The following LRRTM4 variants were observed in gnomAD, a reference collection of about 807,000 sequenced individuals.
The protein encoded by LRRTM4 is leucine-rich repeat transmembrane neuronal protein 4.
A neutral mutation model predicts 47.6 loss-of-function variants in LRRTM4; 25 were observed. The observed-to-expected ratio is 0.53, with a 90% CI of 0.38 to 0.73. LRRTM4 has a LOEUF of 0.73. Ranked by LOEUF, LRRTM4 falls within the 30% of genes least tolerant of loss-of-function variation. The probability of loss-of-function intolerance (pLI) is 0.00; values close to 1 mark genes in which losing one functional copy is unlikely to be tolerated. For synonymous variants in LRRTM4, 311 were observed against 269.5 expected, an observed-to-expected ratio of 1.15 and a Z score of -1.51; for missense variants, 638 against 713.4, an observed-to-expected ratio of 0.89 and a Z score of 1.20.
At chr2:77,244,817 G>T (rs1387745864) in intron 3 of LRRTM4, among the ~76,000 whole-genome samples, 1 of 152,236 alleles carries the variant, frequency 6.6e-6, no homozygotes, top group South Asian at 2.1e-4. Context: ...AAGCCCACAG[G>T]CAGAGAACTA....
rs1670875364 is a variant in LRRTM4, at chr2:77,098,757, GTTTCC to G, written c.1552-349846_1552-349842del. On this transcript the variant is annotated intron_variant, in intron 3 of 3. Transcript: ENST00000409884. The stretch of plus-strand genomic sequence containing the variant: ...AACACATATTACTCACAAAAGATTA[GTTTCC>G]AGAATATGTCAAGACTACAAATCAA... Among the ~76,000 whole-genome samples the G allele has an allele frequency of 2.0e-5, 3 of 151,810 alleles. No homozygotes were observed. In the South Asian group the frequency reaches 6.2e-4, roughly 31 times the overall value.
At chr2:77,039,332 T>C (rs941586006) in intron 3 of LRRTM4, among the ~76,000 whole-genome samples, 39 of 151,064 alleles carry the variant, frequency 2.6e-4, no homozygotes, top group African/African-American at 9.4e-4. Flanking sequence ...AAGTCTTTTT[T>C]TTTTTTTAAA....
intron 3 of LRRTM4, among the ~76,000 whole-genome samples, chr2:77,331,745 C>T (rs898165802): frequency 3.3e-5 from 5 of 152,082 alleles, no homozygotes; most frequent in Admixed American, 2.0e-4. Flanking sequence ...TTTATTGCAT[C>T]TCATGATTAC....
Position 76,755,785 on chromosome 2 carries a change from A to G in LRRTM4, c.1552-6869T>C, listed in dbSNP as rs554524340. Among the ~76,000 whole-genome samples, 78 of 152,274 alleles carry G rather than the reference A, an allele frequency of 5.1e-4. 1 individual carries two copies. The highest frequency in any genetic ancestry group is 8.7e-4 in the Non-Finnish European group (59 of 68,004). The stretch of plus-strand genomic sequence containing the variant: ...ATAGAATATTAAGGAAAGCAAGGGC[A>G]TATCTGAACCCAGAAACTCACATTC... On this transcript the variant is annotated intron_variant, in intron 3 of 3. Coordinates refer to ENST00000409884, the MANE Select transcript of LRRTM4 (RefSeq NM_001134745.3).
chr2:77,292,096 A>C (rs1269837465), intron 3 of LRRTM4, among the ~76,000 whole-genome samples: 1 of 152,078 alleles, frequency 6.6e-6, no homozygotes, highest in Non-Finnish European at 1.5e-5. Context: ...ACATGAAAAA[A>C]TGCTCACCAT....
chr2:77,300,619 C>T (rs1677110790), intron 3 of LRRTM4, among the ~76,000 whole-genome samples: 1 of 152,134 alleles, frequency 6.6e-6, no homozygotes, highest in Admixed American at 6.5e-5. Flanking sequence ...GCTACAGCTG[C>T]TGTAAATCAT....
intron 3 of LRRTM4, among the ~76,000 whole-genome samples, chr2:77,458,507 G>A (rs1676652504): frequency 6.6e-6 from 1 of 152,052 alleles, no homozygotes; most frequent in South Asian, 2.1e-4. Flanking sequence ...TGGCAGGGTT[G>A]TCCCGTGGAA....
intron 3 of LRRTM4, among the ~76,000 whole-genome samples, chr2:76,972,521 G>A (rs1241913308): frequency 6.8e-6 from 1 of 147,918 alleles, no homozygotes; most frequent in Non-Finnish European, 1.5e-5. Context: ...GAGTTCAAGC[G>A]ATTCTTCTGC....
chr2:76,878,918 A>C (rs1264843532), intron 3 of LRRTM4, among the ~76,000 whole-genome samples: 2 of 152,150 alleles, frequency 1.3e-5, no homozygotes, highest in Non-Finnish European at 2.9e-5. Flanking sequence ...GATATGAAGA[A>C]ATTTTAGTGG....
chr2:77,330,790 T>C (rs768487760), intron 3 of LRRTM4, among the ~76,000 whole-genome samples: 29 of 152,196 alleles, frequency 1.9e-4, no homozygotes, highest in Non-Finnish European at 3.5e-4. Context: ...GTAAAACTAT[T>C]AATTTGAAAA....
chr2:77,194,568 A>G (rs1440982192), intron 3 of LRRTM4, among the ~76,000 whole-genome samples: 1 of 152,238 alleles, frequency 6.6e-6, no homozygotes, highest in Non-Finnish European at 1.5e-5. Flanking sequence ...AAACATCAAC[A>G]GAAAATCATG....
At chr2:76,919,950 T>C (rs1024540615) in intron 3 of LRRTM4, among the ~76,000 whole-genome samples, 3 of 152,136 alleles carry the variant, frequency 2.0e-5, no homozygotes, top group Non-Finnish European at 4.4e-5. Context: ...GAAGACATTC[T>C]CATAATCTTT....
At chr2:76,925,076 A>T (rs1674547114) in intron 3 of LRRTM4, among the ~76,000 whole-genome samples, 2 of 152,134 alleles carry the variant, frequency 1.3e-5, no homozygotes, top group Non-Finnish European at 2.9e-5. Flanking sequence ...AATACATTGT[A>T]TGGCAAATGT....
At chr2:77,063,226 G>C (rs987417114) in intron 3 of LRRTM4, among the ~76,000 whole-genome samples, 3 of 152,088 alleles carry the variant, frequency 2.0e-5, no homozygotes, top group African/African-American at 7.2e-5. Context: ...CCCAAGTGCT[G>C]GGATTATAGG....
intron 3 of LRRTM4, among the ~76,000 whole-genome samples, chr2:77,496,206 T>C (rs1678357610): frequency 6.6e-6 from 1 of 151,978 alleles, no homozygotes; most frequent in Admixed American, 6.6e-5. Flanking sequence ...TCTATAAACT[T>C]GCTAAACTCA....
At chr2:77,076,037 A>C (rs959015301) in intron 3 of LRRTM4, among the ~76,000 whole-genome samples, 4 of 151,618 alleles carry the variant, frequency 2.6e-5, no homozygotes, top group African/African-American at 9.7e-5. Context: ...TTATATCAGT[A>C]CTTTCTCCTA....
chr2:77,113,208 A>C (rs1175091832), intron 3 of LRRTM4, among the ~76,000 whole-genome samples: 1 of 152,138 alleles, frequency 6.6e-6, no homozygotes, highest in Non-Finnish European at 1.5e-5. Flanking sequence ...CTGAGCCTGC[A>C]GACGGGCCTC....
At chr2:76,773,172 C>A (rs57458035) in intron 3 of LRRTM4, 1 of 152,274 alleles carries the variant, frequency 6.6e-6, no homozygotes, top group East Asian at 1.9e-4. Context: ...GGAATAATGG[C>A]GCCTCTATCT....
At chr2:77,222,396 C>A (rs1417623730) in intron 3 of LRRTM4, among the ~76,000 whole-genome samples, 3 of 151,934 alleles carry the variant, frequency 2.0e-5, no homozygotes, top group South Asian at 4.2e-4. Flanking sequence ...AAAAACCCTT[C>A]AAAAAATCAA....
Sources: gnomAD v4.1 joint callset for allele counts (sites outside exome capture counted in the v4.1 genomes callset) on GRCh38, gnomAD v4.1.1 for gene constraint, MANE v1.5 for transcripts, NCBI Gene and HGNC (gene_info 2026-07-23, HGNC 2026-07-21) for gene names.